BCAS3: variants seen among roughly 807,000 people sequenced by gnomAD.
BCAS3 encodes the protein BCAS4/BCAS3 fusion.
Under a neutral mutation model 116.1 loss-of-function variants are expected in BCAS3, and 53 were observed. The observed-to-expected ratio is 0.46, with a 90% CI of 0.37 to 0.57. BCAS3 has a LOEUF of 0.57. BCAS3 is among the 20% of genes least tolerant of loss of function. The pLI is 0.00. For synonymous variants in BCAS3, 391 were observed against 408.2 expected (o/e 0.96, Z 0.51); for missense variants, 917 against 1,165.4 (o/e 0.79, Z 3.10).
intron 6 of BCAS3, among the ~76,000 whole-genome samples, chr17:60,764,514 G>C (rs571979323): frequency 6.6e-6 from 1 of 152,206 alleles, no homozygotes; most frequent in African/African-American, 2.4e-5. Context: ...TTTTGAGTGA[G>C]TTTTTTAATC....
Position 61,012,202 on chromosome 17 carries a change from T to C in BCAS3, c.1487-3549T>C, listed in dbSNP as rs2065159936. Among the ~76,000 whole-genome samples, 1 of 152,080 alleles carries C rather than the reference T, an allele frequency of 6.6e-6. No individual in the cohort carries two copies. Among genetic ancestry groups the C allele is most frequent in the Admixed American group, 6.6e-5 (1 of 15,240 alleles). On this transcript the variant is annotated intron_variant, in intron 15 of 23. Transcript: ENST00000407086. This position sits in a 1 kb window ranked among gnomAD's most constrained non-coding sequence, Gnocchi z 4.5. Reference sequence around the variant, plus strand: ...CTGTAACATTACATTATGAACTCTTTGAAAGTCCCTTGGACTTACTCCTTC... The same window carrying C: ...CTGTAACATTACATTATGAACTCTTCGAAAGTCCCTTGGACTTACTCCTTC...
In BCAS3 at chr17:61,224,445, A is replaced by T. The variant is rs1368179350; in HGVS notation, c.2425+139881A>T. On this transcript the variant is annotated intron_variant, in intron 22 of 23. Coordinates refer to ENST00000407086, the MANE Select transcript of BCAS3 (RefSeq NM_017679.5). This position sits in a 1 kb window ranked among gnomAD's most constrained non-coding sequence, Gnocchi z 5.7. ...GAAAGTCATCCCAGGCAGGGAGAACAGTGCTCGGAAAACAGGGTGTACATA... is the reference window on the plus strand; with the variant it reads ...GAAAGTCATCCCAGGCAGGGAGAACTGTGCTCGGAAAACAGGGTGTACATA... 2.0e-5 allele frequency among the ~76,000 whole-genome samples: 3 copies of T among 152,246 alleles called. No individual in the cohort carries two copies. The highest frequency in any genetic ancestry group is 7.2e-5 in the African/African-American group (3 of 41,472).
intron 22 of BCAS3, among the ~76,000 whole-genome samples, chr17:61,237,021 G>A (rs936835335): frequency 2.0e-4 from 30 of 152,172 alleles, no homozygotes; most frequent in Admixed American, 1.3e-4. Context: ...AAAGCAAGAG[G>A]AAGCCATTAA....
intron 7 of BCAS3, among the ~76,000 whole-genome samples, chr17:60,833,547 G>C (rs1406073035): frequency 1.3e-5 from 2 of 152,076 alleles, no homozygotes; most frequent in East Asian, 3.8e-4. Context: ...TTTGCATTTT[G>C]CACACTTATA....
intron 6 of BCAS3, among the ~76,000 whole-genome samples, chr17:60,788,787 T>C (rs2046506331): frequency 6.6e-6 from 1 of 152,166 alleles, no homozygotes; most frequent in African/African-American, 2.4e-5. Context: ...ATTCAATTCA[T>C]AATGATTATT....
In BCAS3 at chr17:61,145,498, ACT is replaced by A. The variant is rs1474238927; in HGVS notation, c.2425+60937_2425+60938del. Among the ~76,000 whole-genome samples, 1 of 152,070 alleles carries A rather than the reference ACT, an allele frequency of 6.6e-6. No homozygotes were observed. The highest frequency in any genetic ancestry group is 1.5e-5 in the Non-Finnish European group (1 of 68,022). ...TGAGGAGAAGAGAGGCTCTCTTCAC[ACT>A]CTACTGAGTACACAGACTTTGGAGA... is the stretch of plus-strand genomic sequence containing the variant. On this transcript the variant is annotated intron_variant, in intron 22 of 23. Transcript: ENST00000407086. This position sits in a 1 kb window ranked among gnomAD's most constrained non-coding sequence, Gnocchi z 5.0.
At chr17:60,767,059 G>A (rs567036450) in intron 6 of BCAS3, among the ~76,000 whole-genome samples, 8 of 152,308 alleles carry the variant, frequency 5.3e-5, no homozygotes, top group South Asian at 2.1e-4. Flanking sequence ...TTGGAAAAGC[G>A]CAGTGTTTAG....
In BCAS3 at chr17:61,366,549, G is replaced by C. The variant is rs2058744927; in HGVS notation, c.2426-1778G>C. ...TTGGCACTGCCAGTGCACAGCTCTAGCACAGTTCAGGCCTTGGGAGAATTA... is the reference window on the plus strand; with the variant it reads ...TTGGCACTGCCAGTGCACAGCTCTACCACAGTTCAGGCCTTGGGAGAATTA... On this transcript the variant is annotated intron_variant, in intron 22 of 23. Transcript: ENST00000407086. The surrounding 1 kb of genome is among the most constrained non-coding windows in gnomAD (Gnocchi z 4.5). Among the ~76,000 whole-genome samples, 1 of 152,172 alleles carries C rather than the reference G, an allele frequency of 6.6e-6. No individual in the cohort carries two copies. The highest frequency in any genetic ancestry group is 2.4e-5 in the African/African-American group (1 of 41,446).
At chr17:60,731,358 G>C (rs765409015) in intron 5 of BCAS3, among the ~76,000 whole-genome samples, 1 of 152,026 alleles carries the variant, frequency 6.6e-6, no homozygotes, top group Non-Finnish European at 1.5e-5. Context: ...GATTACAGGC[G>C]TGCGCCATTA....
intron 6 of BCAS3, among the ~76,000 whole-genome samples, chr17:60,775,975 G>T (rs2045246372): frequency 6.6e-6 from 1 of 152,162 alleles, no homozygotes; most frequent in African/African-American, 2.4e-5. Context: ...AGAGGAGAAA[G>T]ATGCAAATGA....
intron 6 of BCAS3, among the ~76,000 whole-genome samples, chr17:60,798,819 C>T (rs748998662): frequency 7.2e-5 from 11 of 152,340 alleles, no homozygotes; most frequent in African/African-American, 2.4e-4. Context: ...TGAAAAGTGT[C>T]ACTTGCGTCC....
chr17:61,356,327 T>C lies in BCAS3; in HGVS notation c.2426-12000T>C, dbSNP rs568254162. Among the ~76,000 whole-genome samples, 4 of 152,150 alleles carry C rather than the reference T, an allele frequency of 2.6e-5. No individual in the cohort carries two copies. The highest frequency in any genetic ancestry group is 2.6e-4 in the Admixed American group (4 of 15,278). ...TTGTCATTGCAGCCCAGCTACAAAA[T>C]GATTCTTCTCTTCCTCCTTGGAGGG... On this transcript the variant is annotated intron_variant, in intron 22 of 23. Coordinates refer to ENST00000407086, the MANE Select transcript of BCAS3 (RefSeq NM_017679.5). The surrounding 1 kb of genome is among the most constrained non-coding windows in gnomAD (Gnocchi z 5.4).
intron 6 of BCAS3, among the ~76,000 whole-genome samples, chr17:60,752,741 T>A (rs1343350104): frequency 6.6e-6 from 1 of 151,902 alleles, no homozygotes; most frequent in East Asian, 1.9e-4. Context: ...TACCAACATT[T>A]ATACATGAGA....
intron 22 of BCAS3, among the ~76,000 whole-genome samples, chr17:61,232,745 C>T (rs1298803541): frequency 1.3e-5 from 2 of 152,156 alleles, no homozygotes; most frequent in East Asian, 3.8e-4. Context: ...TGCTCTTCGT[C>T]GGCCTCTTCA....
At chr17:60,855,282 T>C (rs2053574323) in intron 7 of BCAS3, among the ~76,000 whole-genome samples, 1 of 151,084 alleles carries the variant, frequency 6.6e-6, no homozygotes, top group African/African-American at 2.4e-5. Flanking sequence ...TTTTTTTTAG[T>C]CTACCTACCT....
At chr17:60,686,014 C>T (rs1377336426) in intron 3 of BCAS3, among the ~76,000 whole-genome samples, 3 of 151,794 alleles carry the variant, frequency 2.0e-5, no homozygotes, top group East Asian at 1.9e-4. Flanking sequence ...GGACTACAGG[C>T]GCCCACCGCC....
Position 61,026,855 on chromosome 17 carries a change from T to C in BCAS3, c.1638-7811T>C, listed in dbSNP as rs1432821554. ...TAATTTTTTGTGCATTTTTCCCCCT[T>C]TTCCATGAAGGCCTTATCTCTTTGG... is the stretch of plus-strand genomic sequence containing the variant. On this transcript the variant is annotated intron_variant, in intron 16 of 23. Coordinates refer to ENST00000407086, the MANE Select transcript of BCAS3 (RefSeq NM_017679.5). This position sits in a 1 kb window ranked among gnomAD's most constrained non-coding sequence, Gnocchi z 5.0. The C allele has an allele frequency of 6.3e-7, 1 of 1,593,206 alleles. No homozygotes were observed. Among genetic ancestry groups the C allele is most frequent in the South Asian group, 1.1e-5 (1 of 87,364 alleles).
At chr17:60,845,183 T>G (rs2052399616) in intron 7 of BCAS3, among the ~76,000 whole-genome samples, 1 of 152,138 alleles carries the variant, frequency 6.6e-6, no homozygotes, top group Admixed American at 6.6e-5. Flanking sequence ...GAGCCAAGAT[T>G]GCGCCATTGC....
chr17:61,300,692 G>A lies in BCAS3; in HGVS notation c.2426-67635G>A, dbSNP rs1421708009. On this transcript the variant is annotated intron_variant, in intron 22 of 23. Coordinates refer to ENST00000407086, the MANE Select transcript of BCAS3 (RefSeq NM_017679.5). This position sits in a 1 kb window ranked among gnomAD's most constrained non-coding sequence, Gnocchi z 5.1. The stretch of plus-strand genomic sequence containing the variant: ...ACTCTCTGCATTAGCTGAAAATAGG[G>A]AAAAGAATACCTTTTTTTCCCTCAT... Among the ~76,000 whole-genome samples, 6 of 152,316 alleles carry A rather than the reference G, an allele frequency of 3.9e-5. No homozygotes were observed. The highest frequency in any genetic ancestry group is 3.9e-4 in the Admixed American group (6 of 15,298).
Sources: gnomAD v4.1 joint callset for allele counts (sites outside exome capture counted in the v4.1 genomes callset) on GRCh38, gnomAD v4.1.1 for gene constraint, Gnocchi (gnomAD v3.1) non-coding constraint, MANE v1.5 for transcripts, NCBI Gene and HGNC (gene_info 2026-07-23, HGNC 2026-07-21) for gene names.